RBFOX1: variants seen among roughly 807,000 people sequenced by gnomAD.
The protein encoded by RBFOX1 is RNA binding fox-1 homolog 1, also known as RNA binding protein fox-1 homolog 1.
RBFOX1 carries 8 observed loss-of-function variants against 57.7 expected under a neutral mutation model. The ratio of observed to expected loss-of-function variants is 0.14; its 90% CI spans 0.08 to 0.25. The LOEUF is 0.25. Among genes scored for constraint, RBFOX1 ranks in the 10% least tolerant of loss-of-function variants. RBFOX1 has a pLI of 1.00. For synonymous variants in RBFOX1, 326 were observed against 222.4 expected (o/e 1.47, Z -4.15); for missense variants, 611 against 548.5 (o/e 1.11, Z -1.14).
intron 1 of RBFOX1, among the ~76,000 whole-genome samples, chr16:5,460,143 C>A (rs556860687): frequency 1.3e-5 from 2 of 152,182 alleles, no homozygotes; most frequent in African/African-American, 4.8e-5. Context: ...AGTGTAAAGT[C>A]GGCACAATGC....
Position 5,908,127 on chromosome 16 carries a change from T to TATATATACAC in RBFOX1, c.351+40820_351+40829dup, listed in dbSNP as rs1286612113. ...ATATATATACACATATATACACATA[T>TATATATACAC]ATATATACACATATATACACATATA... On this transcript the variant is annotated intron_variant, in intron 4 of 19. Coordinates refer to the RBFOX1 transcript ENST00000641259. 1.0e-4 allele frequency among the ~76,000 whole-genome samples: 15 copies of TATATATACAC among 143,726 alleles called. 1 individual carries two copies. Among genetic ancestry groups the TATATATACAC allele is most frequent in the Non-Finnish European group, 2.1e-4 (14 of 67,220 alleles). 94.3% of individuals were successfully genotyped at this position (143,726 alleles called of 152,430 possible).
intron 3 of RBFOX1, among the ~76,000 whole-genome samples, chr16:6,718,804 A>C (rs2065348180): frequency 6.6e-6 from 1 of 152,144 alleles, no homozygotes; most frequent in Non-Finnish European, 1.5e-5. Flanking sequence ...TCTCCGCATA[A>C]ACACACTGGC....
At chr16:7,635,016 G>A (rs1312410032) in intron 11 of RBFOX1, among the ~76,000 whole-genome samples, 1 of 152,194 alleles carries the variant, frequency 6.6e-6, no homozygotes, top group African/African-American at 2.4e-5. Flanking sequence ...TATGTGGACT[G>A]TTCATTCCAT....
chr16:6,180,502 A>C (rs371009056), intron 1 of RBFOX1, among the ~76,000 whole-genome samples: 1 of 149,582 alleles, frequency 6.7e-6, no homozygotes, highest in African/African-American at 2.5e-5. Context: ...TGGTAATTTG[A>C]GTTTTCTTTT....
intron 2 of RBFOX1, among the ~76,000 whole-genome samples, chr16:5,569,438 C>CTTTATTTTTTTT (rs2046193204): frequency 2.0e-5 from 1 of 49,180 alleles, no homozygotes; most frequent in Admixed American, 3.6e-4. Flanking sequence ...AAGAAGTAAC[C>CTTTATTTTTTTT]TTTTTTTTTT....
chr16:6,859,285 T>A (rs2058595482), intron 3 of RBFOX1, among the ~76,000 whole-genome samples: 1 of 150,196 alleles, frequency 6.7e-6, no homozygotes, highest in Non-Finnish European at 1.5e-5. Context: ...TGAATATTAT[T>A]TGTTCCCATC....
At chr16:5,955,513 A>G (rs1307753161) in intron 4 of RBFOX1, among the ~76,000 whole-genome samples, 2 of 152,120 alleles carry the variant, frequency 1.3e-5, no homozygotes, top group Admixed American at 1.3e-4. Context: ...CAAATAAATA[A>G]TCATCATAGA....
intron 3 of RBFOX1, among the ~76,000 whole-genome samples, chr16:5,849,721 G>A (rs765914986): frequency 6.6e-6 from 1 of 152,112 alleles, no homozygotes; most frequent in Non-Finnish European, 1.5e-5. Context: ...TTATTTATTA[G>A]CATCTCGCCG....
intron 1 of RBFOX1, among the ~76,000 whole-genome samples, chr16:5,252,687 C>T (rs534558020): frequency 2.6e-5 from 4 of 152,348 alleles, no homozygotes; most frequent in Admixed American, 6.5e-5. Flanking sequence ...TCTCCAAATA[C>T]GGTGGCAAGA....
At chr16:7,088,690 G>A (rs535769134) in intron 4 of RBFOX1, among the ~76,000 whole-genome samples, 78 of 152,246 alleles carry the variant, frequency 5.1e-4, no homozygotes, top group African/African-American at 1.8e-3. Context: ...TGTTTTGGGA[G>A]ACAAATATAT....
intron 3 of RBFOX1, among the ~76,000 whole-genome samples, chr16:5,827,332 G>A (rs530811345): frequency 1.5e-4 from 23 of 150,056 alleles, no homozygotes; most frequent in Non-Finnish European, 3.0e-4. Context: ...CCCAGGGGGC[G>A]GATGTTGCAG....
At chr16:5,864,257 G>C (rs192353476) in intron 3 of RBFOX1, among the ~76,000 whole-genome samples, 1 of 152,320 alleles carries the variant, frequency 6.6e-6, no homozygotes, top group East Asian at 1.9e-4. Context: ...CAGCAGCAAA[G>C]ACAAGGTCTC....
chr16:7,043,807 C>G (rs1331799455), intron 3 of RBFOX1, among the ~76,000 whole-genome samples: 3 of 152,314 alleles, frequency 2.0e-5, no homozygotes, highest in East Asian at 1.9e-4. Flanking sequence ...GCACTTGACT[C>G]TTGTGTCATA....
At chr16:7,584,724 A>G (rs544525764) in intron 6 of RBFOX1, among the ~76,000 whole-genome samples, 55 of 152,230 alleles carry the variant, frequency 3.6e-4, no homozygotes, top group Non-Finnish European at 6.5e-4. Flanking sequence ...TTTAAATTGA[A>G]AATGTGCCAG....
intron 4 of RBFOX1, among the ~76,000 whole-genome samples, chr16:7,162,439 A>C (rs1158424460): frequency 6.6e-6 from 1 of 151,994 alleles, no homozygotes; most frequent in Non-Finnish European, 1.5e-5. Flanking sequence ...ATGATAAAAG[A>C]ATCTAGACTT....
chr16:6,328,614 C>G (rs565665544), intron 2 of RBFOX1, among the ~76,000 whole-genome samples: 24 of 152,214 alleles, frequency 1.6e-4, no homozygotes, highest in Non-Finnish European at 2.4e-4. Context: ...CAAATCTTGG[C>G]CCTCTATTCA....
At chr16:6,372,805 G>C (rs1013273116) in intron 2 of RBFOX1, among the ~76,000 whole-genome samples, 2 of 151,926 alleles carry the variant, frequency 1.3e-5, no homozygotes, top group Non-Finnish European at 2.9e-5. Context: ...TGGAGATTGG[G>C]TGGAAGTATA....
chr16:7,223,901 A>C (rs1033265769), intron 4 of RBFOX1, among the ~76,000 whole-genome samples: 2 of 151,978 alleles, frequency 1.3e-5, no homozygotes, highest in Non-Finnish European at 2.9e-5. Flanking sequence ...CATACCTTAC[A>C]GTTTAATTGT....
intron 2 of RBFOX1, among the ~76,000 whole-genome samples, chr16:6,475,126 A>G (rs994057615): frequency 2.0e-5 from 3 of 152,308 alleles, no homozygotes; most frequent in African/African-American, 7.2e-5. Context: ...ACAAAATAGT[A>G]CTTGGAGCTC....
Sources: gnomAD v4.1 joint callset for allele counts (sites outside exome capture counted in the v4.1 genomes callset) on GRCh38, gnomAD v4.1.1 for gene constraint, MANE v1.5 for transcripts, NCBI Gene and HGNC (gene_info 2026-07-23, HGNC 2026-07-21) for gene names.